Variants in HDAC9 observed in about 807,000 individuals in gnomAD.
The protein encoded by HDAC9 is MEF-2 interacting transcription repressor (MITR) protein.
A neutral mutation model predicts 139.4 loss-of-function variants in HDAC9; 41 were observed. The observed-to-expected ratio is 0.29, with a 90% CI of 0.23 to 0.38. The LOEUF (loss-of-function observed/expected upper bound fraction) is 0.38, where lower values mean the gene tolerates loss of function less well. Ranked by LOEUF, HDAC9 falls within the 10% of genes least tolerant of loss-of-function variation. HDAC9 has a pLI of 1.00. For missense variants in HDAC9, 1,147 were observed against 1,297.0 expected, an observed-to-expected ratio of 0.88 and a Z score of 1.78; for synonymous variants, 517 against 476.2, an observed-to-expected ratio of 1.09 and a Z score of -1.12.
intron 1 of HDAC9, among the ~76,000 whole-genome samples, chr7:18,354,773 A>C (rs1008059133): frequency 6.6e-6 from 1 of 152,118 alleles, no homozygotes; most frequent in Non-Finnish European, 1.5e-5. Context: ...CAATTCATCA[A>C]TTGGATGTGG....
At chr7:18,902,640 G>C (rs146526314) in intron 22 of HDAC9, among the ~76,000 whole-genome samples, 156 of 152,274 alleles carry the variant, frequency 1.0e-3, no homozygotes, top group African/African-American at 3.7e-3. Flanking sequence ...GGAAATGATT[G>C]AATGAACTGC....
intron 3 of HDAC9, among the ~76,000 whole-genome samples, chr7:18,586,883 G>C (rs1467229246): frequency 2.0e-5 from 3 of 151,962 alleles, no homozygotes; most frequent in Non-Finnish European, 4.4e-5. Context: ...ACTTATTTTT[G>C]AATGAATACT....
chr7:18,754,568 T>A (rs917526737), intron 14 of HDAC9, among the ~76,000 whole-genome samples: 1 of 152,154 alleles, frequency 6.6e-6, no homozygotes, highest in African/African-American at 2.4e-5. Flanking sequence ...TTTTTGTGAC[T>A]AATATTGAAT....
chr7:18,143,465 A>T (rs1452602548), intron 1 of HDAC9, among the ~76,000 whole-genome samples: 1 of 152,182 alleles, frequency 6.6e-6, no homozygotes, highest in Non-Finnish European at 1.5e-5. Context: ...GTTTTTAAGT[A>T]TGTAAATAAG....
At chr7:18,561,842 A>G (rs1181817421) in intron 2 of HDAC9, among the ~76,000 whole-genome samples, 5 of 152,218 alleles carry the variant, frequency 3.3e-5, no homozygotes, top group Non-Finnish European at 7.4e-5. Flanking sequence ...TTATCAGTGA[A>G]TCAGCAGATG....
chr7:18,603,744 C>G (rs945197894), intron 6 of HDAC9, among the ~76,000 whole-genome samples: 10 of 152,076 alleles, frequency 6.6e-5, no homozygotes, highest in African/African-American at 2.4e-4. Flanking sequence ...TATGCTCCTT[C>G]CTTTATATAG....
At chr7:18,643,633 C>A (rs954346960) in intron 8 of HDAC9, among the ~76,000 whole-genome samples, 1 of 152,018 alleles carries the variant, frequency 6.6e-6, no homozygotes, top group African/African-American at 2.4e-5. Flanking sequence ...TAATTGATAT[C>A]CCAGGTTTGT....
intron 22 of HDAC9, among the ~76,000 whole-genome samples, chr7:18,911,530 CATT>C (rs1216115489): frequency 2.0e-5 from 3 of 151,376 alleles, no homozygotes; most frequent in Admixed American, 6.6e-5. Context: ...TTCTCTGAAA[CATT>C]ATTTCTTTAC....
chr7:18,541,116 G>A (rs1456133884), intron 2 of HDAC9, among the ~76,000 whole-genome samples: 1 of 128,726 alleles, frequency 7.8e-6, no homozygotes, highest in Non-Finnish European at 1.6e-5. Flanking sequence ...ATAGCATTAA[G>A]TGTTTCAAAT....
At chr7:18,691,857 G>C (rs1284756847) in intron 12 of HDAC9, among the ~76,000 whole-genome samples, 1 of 151,974 alleles carries the variant, frequency 6.6e-6, no homozygotes, top group East Asian at 1.9e-4. Flanking sequence ...ATCCCAATCA[G>C]GTCATATGAC....
intron 7 of HDAC9, among the ~76,000 whole-genome samples, chr7:18,633,088 G>A (rs956798270): frequency 3.9e-5 from 6 of 152,024 alleles, no homozygotes; most frequent in Admixed American, 1.3e-4. Context: ...GCCCCAAAAT[G>A]ACATATGAAG....
intron 1 of HDAC9, among the ~76,000 whole-genome samples, chr7:18,387,947 A>AAG (rs917783358): frequency 1.5e-4 from 23 of 151,968 alleles, no homozygotes; most frequent in African/African-American, 4.6e-4. Context: ...TGGAGAGAAA[A>AAG]AAAAAAGAAA....
intron 1 of HDAC9, among the ~76,000 whole-genome samples, chr7:18,160,291 T>C (rs1787536176): frequency 6.6e-6 from 1 of 152,224 alleles, no homozygotes; most frequent in Admixed American, 6.5e-5. Context: ...ATTGTGCCAT[T>C]GAGAATCAAG....
intron 1 of HDAC9, among the ~76,000 whole-genome samples, chr7:18,103,560 A>G (rs557527856): frequency 6.6e-6 from 1 of 152,132 alleles, no homozygotes; most frequent in African/African-American, 2.4e-5. Context: ...CAGAGTTGCC[A>G]TAACAGCTTG....
At chr7:18,292,736 G>A (rs557980967) in intron 1 of HDAC9, among the ~76,000 whole-genome samples, 1 of 152,256 alleles carries the variant, frequency 6.6e-6, no homozygotes, top group African/African-American at 2.4e-5. Context: ...TTGAGAACAT[G>A]GAGTGCTGTT....
chr7:18,289,683 G>C (rs1307324926), upstream of HDAC9, among the ~76,000 whole-genome samples: 1 of 152,080 alleles, frequency 6.6e-6, no homozygotes, highest in Non-Finnish European at 1.5e-5. Context: ...TCAGAAAATT[G>C]CATCATCTAG....
At chr7:18,673,906 G>C (rs1449191280) in intron 12 of HDAC9, among the ~76,000 whole-genome samples, 1 of 152,036 alleles carries the variant, frequency 6.6e-6, no homozygotes, top group Non-Finnish European at 1.5e-5. Context: ...CCGAAAGTCT[G>C]CCAAATGTTT....
chr7:18,658,781 A>G (rs571313826), intron 11 of HDAC9, among the ~76,000 whole-genome samples: 8 of 151,782 alleles, frequency 5.3e-5, no homozygotes, highest in African/African-American at 1.9e-4. Context: ...TACCTAATCT[A>G]TTTGTGAATT....
chr7:18,867,822 C>T (rs1407092560), intron 21 of HDAC9, among the ~76,000 whole-genome samples: 3 of 152,016 alleles, frequency 2.0e-5, no homozygotes, highest in Non-Finnish European at 4.4e-5. Context: ...CTGCAATGAC[C>T]CTCTGTGTCT....
Sources: gnomAD v4.1 joint callset for allele counts (sites outside exome capture counted in the v4.1 genomes callset) on GRCh38, gnomAD v4.1.1 for gene constraint, MANE v1.5 for transcripts, NCBI Gene and HGNC (gene_info 2026-07-23, HGNC 2026-07-21) for gene names.